Variants in SNTG1 observed in about 807,000 individuals in gnomAD.
SNTG1 encodes syntrophin gamma 1, also known as gamma-1-syntrophin.
SNTG1 carries 39 observed loss-of-function variants against 74.7 expected under a neutral mutation model. That is an observed-to-expected ratio of 0.52 (90% CI 0.40 to 0.68). The LOEUF is 0.68. Ranked by LOEUF, SNTG1 falls within the 30% of genes least tolerant of loss-of-function variation. The probability of loss-of-function intolerance (pLI) is 0.00; values close to 1 mark genes in which losing one functional copy is unlikely to be tolerated. For missense variants in SNTG1, 685 were observed against 609.5 expected (o/e 1.12, Z -1.30); for synonymous variants, 254 against 217.1 (o/e 1.17, Z -1.49).
At chr8:50,655,060 C>A (rs2095171664) in intron 13 of SNTG1, among the ~76,000 whole-genome samples, 1 of 152,162 alleles carries the variant, frequency 6.6e-6, no homozygotes, top group Non-Finnish European at 1.5e-5. Context: ...TAACCTCTCT[C>A]AATTTTCATA....
intron 8 of SNTG1, among the ~76,000 whole-genome samples, chr8:50,472,694 C>A (rs1378750238): frequency 1.3e-5 from 2 of 152,048 alleles, no homozygotes; most frequent in East Asian, 3.9e-4. Context: ...TGAAAAACTT[C>A]TGTGCATCAA....
chr8:50,422,213 G>A (rs892975700), intron 4 of SNTG1, among the ~76,000 whole-genome samples: 1 of 151,978 alleles, frequency 6.6e-6, no homozygotes, highest in Middle Eastern at 3.4e-3. Flanking sequence ...ATATTTTGGG[G>A]TAAAATATTT....
intron 2 of SNTG1, among the ~76,000 whole-genome samples, chr8:50,199,129 T>C (rs1397624622): frequency 1.3e-5 from 2 of 152,158 alleles, no homozygotes; most frequent in African/African-American, 4.8e-5. Context: ...TTTTTATTTT[T>C]CTTTGCAGTG....
At chr8:50,547,043 A>G (rs1802204743) in intron 11 of SNTG1, among the ~76,000 whole-genome samples, 1 of 152,150 alleles carries the variant, frequency 6.6e-6, no homozygotes, top group African/African-American at 2.4e-5. Flanking sequence ...TAGGTATCCC[A>G]AAGTTCTGGG....
chr8:50,003,848 T>G (rs1011166609), intron 1 of SNTG1, among the ~76,000 whole-genome samples: 2 of 152,182 alleles, frequency 1.3e-5, no homozygotes, highest in African/African-American at 4.8e-5. Context: ...ATTAAGTAAC[T>G]TCCAGGTGTC....
chr8:50,386,231 G>A (rs2092571813), intron 2 of SNTG1, among the ~76,000 whole-genome samples: 1 of 152,024 alleles, frequency 6.6e-6, no homozygotes, highest in South Asian at 2.1e-4. Flanking sequence ...ACCCTGAGAT[G>A]GACTTGAGCT....
chr8:50,146,027 A>C (rs192695192), intron 1 of SNTG1, among the ~76,000 whole-genome samples: 12 of 152,136 alleles, frequency 7.9e-5, no homozygotes, highest in Admixed American at 6.5e-4. Context: ...AAATATAGAT[A>C]AATGATTTTG....
chr8:50,671,642 C>T (rs1021363607), intron 15 of SNTG1, among the ~76,000 whole-genome samples: 2 of 152,074 alleles, frequency 1.3e-5, no homozygotes, highest in African/African-American at 4.8e-5. Context: ...GTGGTGATTC[C>T]TCAGAGATCT....
At chr8:50,182,567 G>T (rs1262908164) in intron 2 of SNTG1, among the ~76,000 whole-genome samples, 1 of 151,966 alleles carries the variant, frequency 6.6e-6, no homozygotes, top group Non-Finnish European at 1.5e-5. Context: ...AGTTATAAAA[G>T]TAGCCCTATT....
intron 12 of SNTG1, among the ~76,000 whole-genome samples, chr8:50,585,949 A>G (rs970906245): frequency 6.6e-6 from 1 of 152,236 alleles, no homozygotes; most frequent in East Asian, 1.9e-4. Context: ...AAATGAAGGT[A>G]TACTATGTCC....
chr8:50,401,230 G>C (rs1045466040), intron 3 of SNTG1, among the ~76,000 whole-genome samples: 3 of 151,948 alleles, frequency 2.0e-5, no homozygotes, highest in Non-Finnish European at 4.4e-5. Context: ...TGGACTTTTT[G>C]GTGCCGAATA....
intron 18 of SNTG1, among the ~76,000 whole-genome samples, chr8:50,789,211 G>T (rs1054719067): frequency 2.0e-5 from 3 of 151,886 alleles, no homozygotes; most frequent in East Asian, 1.9e-4. Context: ...TCTTGTAAAG[G>T]ATTAAAATGG....
At chr8:50,772,798 C>A (rs13262817) in intron 18 of SNTG1, among the ~76,000 whole-genome samples, 2,718 of 152,190 alleles carry the variant, frequency 0.018, 36 homozygotes, top group Non-Finnish European at 0.027. Context: ...TAATTCCCTG[C>A]TGCAAAGGTG....
rs2094254769 is a variant in SNTG1 at position 50,530,123 on chromosome 8, T to G, written c.467-54T>G. 4.9e-6 allele frequency: 7 copies of G among 1,426,058 alleles called. No homozygotes were observed. In the South Asian group the frequency reaches 8.0e-5, roughly 16 times the overall value. 88.3% of individuals were successfully genotyped at this position (1,426,058 alleles called of 1,614,324 possible). A position where few individuals can be genotyped will look rare whatever the true frequency, so the allele number is the denominator to read the frequency against. ...TGAAAGTGTAATGGAATGCATCAGT[T>G]TAGAAGGTTATGGCATTCTCACCAG... On this transcript the variant is annotated intron_variant, in intron 9 of 18. Coordinates refer to ENST00000642720, the MANE Select transcript of SNTG1 (RefSeq NM_018967.5).
intron 1 of SNTG1, among the ~76,000 whole-genome samples, chr8:50,140,760 C>T (rs1026843860): frequency 6.6e-6 from 1 of 152,136 alleles, no homozygotes; most frequent in African/African-American, 2.4e-5. Context: ...TATCTATCTT[C>T]ATTCCTTCTT....
At chr8:50,508,085 C>T (rs769531862) in intron 9 of SNTG1, among the ~76,000 whole-genome samples, 6 of 152,124 alleles carry the variant, frequency 3.9e-5, no homozygotes, top group Non-Finnish European at 7.3e-5. Flanking sequence ...CTCCCCTCAA[C>T]AGGCTACGGT....
At chr8:50,090,756 T>A (rs1399272443) in intron 1 of SNTG1, among the ~76,000 whole-genome samples, 6 of 151,924 alleles carry the variant, frequency 3.9e-5, no homozygotes, top group Admixed American at 2.0e-4. Context: ...GACAATACAA[T>A]CAGGAAGAGC....
At chr8:50,549,349 A>C (rs750114729) in intron 11 of SNTG1, among the ~76,000 whole-genome samples, 2 of 152,038 alleles carry the variant, frequency 1.3e-5, no homozygotes, top group Non-Finnish European at 2.9e-5. Context: ...GCCTCTTCTT[A>C]TTTCTTTCTT....
intron 1 of SNTG1, among the ~76,000 whole-genome samples, chr8:50,083,470 A>C (rs922745364): frequency 6.6e-6 from 1 of 152,236 alleles, no homozygotes; most frequent in Non-Finnish European, 1.5e-5. Context: ...AATATAAGCA[A>C]AGCCTTTTAA....
Sources: allele counts gnomAD v4.1 joint callset (sites outside exome capture counted in the v4.1 genomes callset), GRCh38; gene constraint gnomAD v4.1.1; transcripts MANE v1.5; gene names NCBI Gene and HGNC (gene_info 2026-07-23, HGNC 2026-07-21).